The following ABI3 variants were observed in gnomAD, a reference collection of about 807,000 sequenced individuals.
The protein encoded by ABI3 is ABI gene family member 3.
Under a neutral mutation model 37.0 loss-of-function variants are expected in ABI3, and 24 were observed. That is an observed-to-expected ratio of 0.65 (90% CI 0.47 to 0.91). The LOEUF (loss-of-function observed/expected upper bound fraction) is 0.91, where lower values mean the gene tolerates loss of function less well. Ranked by LOEUF, ABI3 falls within the 40% of genes least tolerant of loss-of-function variation. The pLI is 0.00. For missense variants in ABI3, 481 were observed against 485.1 expected (o/e 0.99, Z 0.08); for synonymous variants, 220 against 211.8 (o/e 1.04, Z -0.34).
In ABI3 at chr17:49,219,203, G is replaced by A. The variant is rs1288134254; in HGVS notation, c.463-337G>A. Among the ~76,000 whole-genome samples, 2 of 152,026 alleles carry A rather than the reference G, an allele frequency of 1.3e-5. No individual in the cohort carries two copies. The highest frequency in any genetic ancestry group is 1.9e-4 in the East Asian group (1 of 5,178). On this transcript the variant is annotated intron_variant, in intron 3 of 7. Coordinates refer to ENST00000225941, the MANE Select transcript of ABI3 (RefSeq NM_016428.3). The surrounding 1 kb of genome is among the most constrained non-coding windows in gnomAD (Gnocchi z 4.3). ...CCTTTCTCCGCCCCCTCCTCAGCCC[G>A]ATCAAAGTTAGGGACCACCAAGCCA...
At chr17:49,214,282 A>G (rs1344620822) in intron 1 of ABI3, among the ~76,000 whole-genome samples, 1 of 152,158 alleles carries the variant, frequency 6.6e-6, no homozygotes, top group African/African-American at 2.4e-5. Flanking sequence ...CTTGCCCCCT[A>G]CCTGCCTTAG....
At chr17:49,216,254 G>A (rs1380773925) in intron 1 of ABI3, among the ~76,000 whole-genome samples, 4 of 151,982 alleles carry the variant, frequency 2.6e-5, no homozygotes, top group Non-Finnish European at 5.9e-5. Context: ...TCTGTACTCA[G>A]TCCTCAGCTT....
At chr17:49,212,709 C>T (rs1009572) in intron 1 of ABI3, among the ~76,000 whole-genome samples, 10,405 of 152,236 alleles carry the variant, frequency 0.068, 575 homozygotes, top group East Asian at 0.2. Context: ...AGTCTCCTAG[C>T]TAGTGTCAGA....
intron 1 of ABI3, among the ~76,000 whole-genome samples, chr17:49,216,050 G>C (rs2043214802): frequency 6.6e-6 from 1 of 151,236 alleles, no homozygotes; most frequent in African/African-American, 2.4e-5. Flanking sequence ...GGCGGAGGTT[G>C]TGGTGAGCCG....
intron 1 of ABI3, among the ~76,000 whole-genome samples, chr17:49,211,818 A>G (rs1468106249): frequency 6.6e-6 from 1 of 152,078 alleles, no homozygotes; most frequent in Non-Finnish European, 1.5e-5. Context: ...CTAATTTTAT[A>G]TTTTTAGTAG....
intron 5 of ABI3, 43 bp from the exon 6 acceptor site, chr17:49,220,126 A>G: frequency 6.2e-7 from 1 of 1,610,512 alleles, no homozygotes; most frequent in South Asian, 1.1e-5. Flanking sequence ...GGGATGCTGC[A>G]TTAGGGAAGG....
chr17:49,212,125 A>T (rs777117751), intron 1 of ABI3, among the ~76,000 whole-genome samples: 2 of 151,428 alleles, frequency 1.3e-5, no homozygotes, highest in South Asian at 2.1e-4. Flanking sequence ...CTAATTTTTT[A>T]AATTTTTTTG....
chr17:49,218,770 A>AT (rs71144583), intron 3 of ABI3, among the ~76,000 whole-genome samples: 42,364 of 131,710 alleles, frequency 0.32, 6,893 homozygotes, highest in South Asian at 0.37. Context: ...TGCCCGGCTA[A>AT]TTTTTTTTTT....
Position 49,219,599 on chromosome 17 carries a change from T to C in ABI3, c.522T>C (p.Pro174=), listed in dbSNP as rs2233371. 3.1e-3 allele frequency: 4,974 copies of C among 1,606,316 alleles called. 138 individuals are homozygous for C. In the African/African-American group the frequency reaches 0.061, roughly 20 times the overall value. The change falls in exon 4 of 8, where the codon CCT becomes CCC. Residue 174 remains proline (P), a synonymous_variant. Coordinates refer to ENST00000225941, the MANE Select transcript of ABI3 (RefSeq NM_016428.3). This position sits in a 1 kb window ranked among gnomAD's most constrained non-coding sequence, Gnocchi z 4.3. ...GTLSRKSIKA[P]ATPASATLGR... ...TGTCTCGAAAGAGCATCAAGGCCCC[T>C]GCCACACCCGCCTCCGCCACCTTGG...
chr17:49,214,532 A>C (rs1030853066), intron 1 of ABI3, among the ~76,000 whole-genome samples: 3 of 152,318 alleles, frequency 2.0e-5, no homozygotes, highest in Admixed American at 2.0e-4. Context: ...AGCATGGAGA[A>C]ACCGCATCTC....
At chr17:49,212,059 C>T (rs2043174051) in intron 1 of ABI3, among the ~76,000 whole-genome samples, 1 of 152,110 alleles carries the variant, frequency 6.6e-6, no homozygotes, top group African/African-American at 2.4e-5. Context: ...TCAAGCAATC[C>T]TCCCACCTCA....
At position 49,210,845 on chromosome 17, in the gene ABI3, G is replaced by T; in HGVS notation, c.117+4G>T. ...CTGCGAGGACAACTATGTGCAGGTA[G>T]GTAGAGCGGGCGGAAGCCTGACACC... On this transcript the variant is annotated splice_donor_region_variant and intron_variant, in intron 1 of 7. Transcript: ENST00000225941. This position sits in a 1 kb window ranked among gnomAD's most constrained non-coding sequence, Gnocchi z 4.2. 6.5e-7 allele frequency: 1 copy of T among 1,546,568 alleles called. No homozygotes were observed. The highest frequency in any genetic ancestry group is 1.2e-5 in the South Asian group (1 of 84,198).
Position 49,217,649 on chromosome 17 carries a change from C to A in ABI3, c.286-90C>A, listed in dbSNP as rs368907877. On this transcript the variant is annotated intron_variant, in intron 2 of 7. Coordinates refer to ENST00000225941, the MANE Select transcript of ABI3 (RefSeq NM_016428.3). ...TTTCTAGACCTGGCTGCCTCCCCCC[C>A]CCAGCCCAGTCTTTATCTTCTTCCT... 5.3e-4 allele frequency: 685 copies of A among 1,286,688 alleles called. 4 individuals carry two copies. The highest frequency in any genetic ancestry group is 3.9e-3 in the African/African-American group (252 of 64,206). The allele number at this position is 1,286,688 out of a possible 1,614,324, so 79.7% of individuals were successfully genotyped here.
At chr17:49,217,962 C>T (rs762420207) in intron 3 of ABI3, 47 bp downstream of exon 3, 2 of 1,460,316 alleles carry the variant, frequency 1.4e-6, no homozygotes, top group South Asian at 2.9e-5. Flanking sequence ...CCCTCTCGTG[C>T]CTTGTGGCCC....
intron 1 of ABI3, among the ~76,000 whole-genome samples, chr17:49,213,254 A>C (rs1305243248): frequency 6.6e-6 from 1 of 152,234 alleles, no homozygotes; most frequent in African/African-American, 2.4e-5. Context: ...AGGGAGGAGA[A>C]GCTGTCCTTG....
At chr17:49,213,653 G>A (rs1427092245) in intron 1 of ABI3, among the ~76,000 whole-genome samples, 2 of 152,230 alleles carry the variant, frequency 1.3e-5, no homozygotes, top group African/African-American at 2.4e-5. Context: ...CTGTCCCTGC[G>A]GACCTAACTT....
rs368292072 is a variant in ABI3 at position 49,220,333 on chromosome 17, A to C, written c.802+7A>C. The C allele has an allele frequency of 6.4e-7, 1 of 1,573,252 alleles. No homozygotes were observed. Among genetic ancestry groups the C allele is most frequent in the Non-Finnish European group, 8.6e-7 (1 of 1,159,130 alleles). On this transcript the variant is annotated splice_region_variant and intron_variant, in intron 6 of 7. Coordinates refer to ENST00000225941, the MANE Select transcript of ABI3 (RefSeq NM_016428.3). ...TTGTCCCCACCCCCACCGGGTAAGG[A>C]GGTCCACCCTCTTCTTCCCAACCGT...
At chr17:49,218,918 A>T (rs2043250036) in intron 3 of ABI3, among the ~76,000 whole-genome samples, 1 of 151,882 alleles carries the variant, frequency 6.6e-6, no homozygotes, top group African/African-American at 2.4e-5. Context: ...CTCGCGGCCC[A>T]ACTTATATTC....
rs2043267181 is a variant in ABI3 at position 49,220,174 on chromosome 17, C to T, written c.650C>T (p.Ala217Val). 2.5e-6 allele frequency: 4 copies of T among 1,611,882 alleles called. 1 individual carries two copies. Among genetic ancestry groups the T allele is most frequent in the Middle Eastern group, 4.3e-4 (2 of 4,666 alleles). The change falls in exon 6 of 8, where the codon GCC (alanine) becomes GTC (valine). Residue 217 changes from alanine to valine, a missense_variant. By Grantham distance (64) the Ala-to-Val change is moderately conservative (BLOSUM62 0). Coordinates refer to ENST00000225941, the MANE Select transcript of ABI3 (RefSeq NM_016428.3). ...SAFSLASAGS[A>V]EGVGGAPTPK... ...CCGGGCTCTCTGGTGTTCAGCAGCG[C>T]CGAAGGTGTCGGTGGGGCCCCCACG...
Sources: allele counts gnomAD v4.1 joint callset (sites outside exome capture counted in the v4.1 genomes callset), GRCh38; gene constraint gnomAD v4.1.1; non-coding constraint Gnocchi (gnomAD v3.1); transcripts MANE v1.5; gene names NCBI Gene and HGNC (gene_info 2026-07-23, HGNC 2026-07-21).